The following KHDRBS2 variants were observed in gnomAD, a reference collection of about 807,000 sequenced individuals.
The protein encoded by KHDRBS2 is KH RNA binding domain containing, signal transduction associated 2, also known as KH domain-containing, RNA-binding, signal transduction-associated protein 2.
In KHDRBS2, 26 loss-of-function variants were observed where a neutral mutation model predicts 44.3. The ratio of observed to expected loss-of-function variants is 0.59; its 90% CI spans 0.43 to 0.81. KHDRBS2 has a LOEUF of 0.81. Ranked by LOEUF, KHDRBS2 falls within the 40% of genes least tolerant of loss-of-function variation. The pLI, the probability that KHDRBS2 is intolerant of heterozygous loss-of-function variation, is 0.00. For missense variants in KHDRBS2, 476 were observed against 433.1 expected (o/e 1.10, Z -0.88); for synonymous variants, 194 against 151.1 (o/e 1.28, Z -2.08).
At chr6:62,038,147 A>T (rs1785690404) in intron 3 of KHDRBS2, among the ~76,000 whole-genome samples, 1 of 152,016 alleles carries the variant, frequency 6.6e-6, no homozygotes, top group Admixed American at 6.6e-5. Context: ...CTGCAAAAAA[A>T]ATCAAGTGGT....
At chr6:61,755,324 T>C (rs566647640) in intron 6 of KHDRBS2, among the ~76,000 whole-genome samples, 21 of 152,246 alleles carry the variant, frequency 1.4e-4, no homozygotes, top group African/African-American at 4.6e-4. Flanking sequence ...CTTCAAGTTA[T>C]AGAGATAAAT....
Position 62,101,341 on chromosome 6 carries a change from C to T in KHDRBS2, c.220-53347G>A, listed in dbSNP as rs190819837. Among the ~76,000 whole-genome samples, 12 of 152,154 alleles carry T rather than the reference C, an allele frequency of 7.9e-5. No homozygotes were observed. The East Asian group carries it at 2.1e-3, about 27-fold the overall frequency. ...TCAAAGGAGTTGACTGAGCTTAAAACAGATTATGTAGGGCTTTCTAAGTAA... is the reference window on the plus strand; with the variant it reads ...TCAAAGGAGTTGACTGAGCTTAAAATAGATTATGTAGGGCTTTCTAAGTAA... On this transcript the variant is annotated intron_variant, in intron 2 of 8. Coordinates refer to ENST00000281156, the MANE Select transcript of KHDRBS2 (RefSeq NM_152688.4).
At chr6:61,975,680 C>CACACACACACACACACACACACAG (rs148696826) in intron 4 of KHDRBS2, among the ~76,000 whole-genome samples, 4 of 149,744 alleles carry the variant, frequency 2.7e-5, no homozygotes, top group African/African-American at 9.9e-5. Context: ...CACACACACA[C>CACACACACACACACACACACACAG]AGAGAGATAT....
chr6:62,056,456 T>G (rs1379452294), intron 2 of KHDRBS2, among the ~76,000 whole-genome samples: 1 of 151,938 alleles, frequency 6.6e-6, no homozygotes, highest in African/African-American at 2.4e-5. Flanking sequence ...TCTCTGGGAA[T>G]GGGGAATAGG....
chr6:61,590,711 A>G, the KHDRBS2 span, among the ~76,000 whole-genome samples: 1 of 152,150 alleles, frequency 6.6e-6, no homozygotes, highest in East Asian at 1.9e-4. Flanking sequence ...TCTATAAGCC[A>G]AACTACTTTT....
intron 4 of KHDRBS2, among the ~76,000 whole-genome samples, chr6:61,914,306 G>A (rs2127353683): frequency 6.6e-6 from 1 of 152,170 alleles, no homozygotes; most frequent in South Asian, 2.1e-4. Context: ...TTGAATTGTA[G>A]TGCCATCACT....
intron 6 of KHDRBS2, among the ~76,000 whole-genome samples, chr6:61,892,802 G>A (rs1274968147): frequency 6.6e-6 from 1 of 152,128 alleles, no homozygotes; most frequent in Non-Finnish European, 1.5e-5. Flanking sequence ...AAAAACCCTA[G>A]AAGAAAACCT....
At chr6:61,998,819 C>G (rs1243398472) in intron 3 of KHDRBS2, among the ~76,000 whole-genome samples, 1 of 152,020 alleles carries the variant, frequency 6.6e-6, no homozygotes, top group Non-Finnish European at 1.5e-5. Flanking sequence ...CTTGACCTTT[C>G]CTGCTTCAAA....
Position 62,022,787 on chromosome 6 carries a change from C to T in KHDRBS2, c.336+25091G>A, listed in dbSNP as rs568197965. On this transcript the variant is annotated intron_variant, in intron 3 of 8. Coordinates refer to ENST00000281156, the MANE Select transcript of KHDRBS2 (RefSeq NM_152688.4). Reference sequence around the variant, plus strand: ...CAATGTAATCATCCCATATCATGTGCGTAGTATATATTTTTCTCTTACGAG... The same window carrying T: ...CAATGTAATCATCCCATATCATGTGTGTAGTATATATTTTTCTCTTACGAG... Among the ~76,000 whole-genome samples, 80 of 151,680 alleles carry T rather than the reference C, an allele frequency of 5.3e-4. 1 individual carries two copies. Among genetic ancestry groups the T allele is most frequent in the Middle Eastern group, 3.4e-3 (1 of 294 alleles).
intron 2 of KHDRBS2, among the ~76,000 whole-genome samples, chr6:62,114,227 A>T (rs1242541398): frequency 6.6e-6 from 1 of 152,128 alleles, no homozygotes; most frequent in Admixed American, 6.6e-5. Flanking sequence ...AACCATATCA[A>T]TTCCTATCCT....
chr6:61,551,794 A>G, the KHDRBS2 span, among the ~76,000 whole-genome samples: 1 of 152,162 alleles, frequency 6.6e-6, no homozygotes, highest in Admixed American at 6.6e-5. Flanking sequence ...ATTGGGTAAC[A>G]TGATGCCTTC....
At chr6:61,617,062 G>C in the KHDRBS2 span, among the ~76,000 whole-genome samples, 1 of 152,056 alleles carries the variant, frequency 6.6e-6, no homozygotes, top group Non-Finnish European at 1.5e-5. Flanking sequence ...TTCAGAACAA[G>C]AGAAATGAGG....
the KHDRBS2 span, among the ~76,000 whole-genome samples, chr6:61,544,041 A>T: frequency 6.6e-6 from 1 of 152,090 alleles, no homozygotes; most frequent in South Asian, 2.1e-4. Flanking sequence ...CTAGTATTTG[A>T]TAGCCCAATA....
chr6:62,188,188 T>A (rs1210620889), intron 1 of KHDRBS2, among the ~76,000 whole-genome samples: 1 of 151,990 alleles, frequency 6.6e-6, no homozygotes, highest in African/African-American at 2.4e-5. Flanking sequence ...CCTTCAACAC[T>A]GGGGATTCTA....
intron 2 of KHDRBS2, among the ~76,000 whole-genome samples, chr6:62,074,896 C>A (rs529777392): frequency 1.3e-5 from 2 of 151,846 alleles, no homozygotes; most frequent in African/African-American, 2.4e-5. Flanking sequence ...CAAACTATGA[C>A]AATTTTCCTG....
intron 6 of KHDRBS2, among the ~76,000 whole-genome samples, chr6:61,845,135 G>A (rs1254967407): frequency 2.6e-5 from 4 of 152,072 alleles, no homozygotes; most frequent in Non-Finnish European, 5.9e-5. Context: ...TATAGAATGT[G>A]CCTTTTAAAA....
chr6:61,832,476 C>G (rs756203540), intron 6 of KHDRBS2, among the ~76,000 whole-genome samples: 1 of 151,974 alleles, frequency 6.6e-6, no homozygotes, highest in African/African-American at 2.4e-5. Context: ...AACCTGACAT[C>G]AGGAAATTTG....
chr6:61,769,396 G>A (rs1305297663), intron 6 of KHDRBS2, among the ~76,000 whole-genome samples: 1 of 152,182 alleles, frequency 6.6e-6, no homozygotes, highest in African/African-American at 2.4e-5. Flanking sequence ...AGGGGTCAGG[G>A]AATTCCCTTT....
chr6:61,981,526 C>G (rs889496272), intron 3 of KHDRBS2, among the ~76,000 whole-genome samples: 1 of 151,564 alleles, frequency 6.6e-6, no homozygotes, highest in African/African-American at 2.4e-5. Flanking sequence ...TATGTTACCT[C>G]GTATACTTAC....
Sources: allele counts gnomAD v4.1 joint callset (sites outside exome capture counted in the v4.1 genomes callset), GRCh38; gene constraint gnomAD v4.1.1; transcripts MANE v1.5; gene names NCBI Gene and HGNC (gene_info 2026-07-23, HGNC 2026-07-21).